COG2: variants seen among roughly 807,000 people sequenced by gnomAD.
COG2 encodes the protein conserved oligomeric Golgi complex subunit 2.
A neutral mutation model predicts 90.6 loss-of-function variants in COG2; 52 were observed. The observed-to-expected ratio is 0.57, with a 90% CI of 0.46 to 0.72. The LOEUF (loss-of-function observed/expected upper bound fraction) is 0.72. COG2 is among the 30% of genes least tolerant of loss of function. COG2 has a pLI of 0.00. For synonymous variants in COG2, 337 were observed against 320.4 expected (o/e 1.05, Z -0.55); for missense variants, 829 against 891.2 (o/e 0.93, Z 0.89).
intron 12 of COG2, 152 bp downstream of exon 12, chr1:230,685,388 G>T (rs905748530): frequency 2.0e-5 from 15 of 732,422 alleles, no homozygotes; most frequent in Non-Finnish European, 3.2e-5. Context: ...CCAGCTCTGT[G>T]TCTGTGTTTC....
chr1:230,686,837 C>G, intron 12 of COG2, 98 bp from the exon 13 acceptor site: 2 of 643,510 alleles, frequency 3.1e-6, no homozygotes, highest in East Asian at 6.0e-5. Context: ...AGACAGCTAG[C>G]ATTTAATGGT....
At chr1:230,664,239 A>C (rs1012876303) in intron 4 of COG2, among the ~76,000 whole-genome samples, 2 of 137,480 alleles carry the variant, frequency 1.5e-5, no homozygotes, top group East Asian at 4.0e-4. Flanking sequence ...ATAAGAAACC[A>C]AAAAAAAAAA....
At chr1:230,658,321 C>G (rs939218960) in intron 1 of COG2, among the ~76,000 whole-genome samples, 4 of 152,162 alleles carry the variant, frequency 2.6e-5, no homozygotes, top group African/African-American at 9.7e-5. Context: ...TGCTGCAGGT[C>G]TGCTGGAATT....
intron 1 of COG2, among the ~76,000 whole-genome samples, chr1:230,646,762 C>G (rs1198340825): frequency 6.6e-6 from 1 of 152,092 alleles, no homozygotes; most frequent in Non-Finnish European, 1.5e-5. Context: ...TCAGGTAATA[C>G]TAGACCTGAG....
intron 3 of COG2, among the ~76,000 whole-genome samples, chr1:230,662,895 G>A (rs1048931451): frequency 6.6e-6 from 1 of 152,118 alleles, no homozygotes; most frequent in Admixed American, 6.6e-5. Context: ...CTGACCACCT[G>A]TGATGCTCAT....
intron 15 of COG2, among the ~76,000 whole-genome samples, chr1:230,688,821 C>T (rs994204960): frequency 1.3e-5 from 2 of 152,078 alleles, no homozygotes; most frequent in Non-Finnish European, 2.9e-5. Flanking sequence ...TCCTTTTGGT[C>T]TTGAGGAAAA....
chr1:230,693,356 C>T lies in COG2; in HGVS notation c.2180C>T (p.Ala727Val), dbSNP rs1334124697. The T allele has an allele frequency of 1.9e-6, 3 of 1,613,426 alleles. No homozygotes were observed. In the African/African-American group the frequency reaches 4.0e-5, roughly 22 times the overall value. The stretch of plus-strand genomic sequence containing the variant: ...TTCTCAGCTCTCGCAGAGCTTGTTG[C>T]TGCTGCCAAGGACCAGGCAACAGCA... Reference protein sequence around the residue: ...KSFSALAELVAAAKDQATAEQ... With the variant: ...KSFSALAELVVAAKDQATAEQ... The change falls in exon 18 of 18, where the codon GCT becomes GTT. Residue 727 changes from alanine to valine, a missense_variant. Ala to Val is a moderately conservative substitution (Grantham distance 64). Coordinates refer to ENST00000366669, the MANE Select transcript of COG2 (RefSeq NM_007357.3).
At chr1:230,679,590 T>G (rs1205431463) in intron 10 of COG2, 2 of 152,254 alleles carry the variant, frequency 1.3e-5, no homozygotes, top group Non-Finnish European at 2.9e-5. Context: ...ATTTGTACCC[T>G]CTATTCAGGA....
intron 10 of COG2, chr1:230,682,087 C>G (rs1662762668): frequency 6.6e-6 from 1 of 152,242 alleles, no homozygotes; most frequent in Non-Finnish European, 1.5e-5. Context: ...CACATTAATA[C>G]TGCATACTAG....
intron 1 of COG2, among the ~76,000 whole-genome samples, chr1:230,645,686 G>A (rs1404181610): frequency 6.6e-6 from 1 of 152,186 alleles, no homozygotes; most frequent in Non-Finnish European, 1.5e-5. Flanking sequence ...TAATGAAATA[G>A]TTATAAAATT....
chr1:230,668,531 C>T (rs1662371093), intron 5 of COG2, 145 bp from the exon 6 acceptor site: 3 of 559,528 alleles, frequency 5.4e-6, no homozygotes, highest in Non-Finnish European at 6.4e-6. Flanking sequence ...TAGCTTTCAC[C>T]TTGTAACAAG....
In COG2 at chr1:230,668,679, C is replaced by T. The variant is rs2102757233; in HGVS notation, c.489C>T (p.Pro163=). 3.7e-6 allele frequency: 6 copies of T among 1,605,518 alleles called. No homozygotes were observed. Among genetic ancestry groups the T allele is most frequent in the Non-Finnish European group, 4.3e-6 (5 of 1,173,486 alleles). The change falls in exon 6 of 18, where the codon CCC becomes CCT. Residue 163 remains proline, a synonymous_variant. Transcript: ENST00000366669. ...CTATAACTGTTTTCTCTACTAGCCC[C>T]CTTTTGACTGGACAAATTTTGGAGA... is the stretch of plus-strand genomic sequence containing the variant. ...KETSALEASS[P]LLTGQILERI... is the part of the protein sequence containing the mutation.
chr1:230,687,315 G>A (rs1416601463), intron 13 of COG2, among the ~76,000 whole-genome samples, 183 bp downstream of exon 13: 1 of 152,162 alleles, frequency 6.6e-6, no homozygotes, highest in African/African-American at 2.4e-5. Flanking sequence ...CCCCTGACAG[G>A]TCATGTCCAT....
chr1:230,662,570 C>G (rs916833410), intron 3 of COG2, among the ~76,000 whole-genome samples: 3 of 152,094 alleles, frequency 2.0e-5, no homozygotes, highest in Non-Finnish European at 4.4e-5. Flanking sequence ...TGAATTTTCC[C>G]AAAACAACTT....
chr1:230,651,228 G>C (rs1661907239), intron 1 of COG2, among the ~76,000 whole-genome samples: 1 of 152,098 alleles, frequency 6.6e-6, no homozygotes, highest in Non-Finnish European at 1.5e-5. Flanking sequence ...CCCTGCTGCA[G>C]TAGCCGATGA....
At chr1:230,688,331 A>G in intron 14 of COG2, 89 bp from the exon 15 acceptor site, 1 of 1,479,542 alleles carries the variant, frequency 6.8e-7, no homozygotes. Context: ...TTATTATAGT[A>G]CACAATGTAA....
At chr1:230,660,281 C>T (rs573061530) in intron 2 of COG2, among the ~76,000 whole-genome samples, 4 of 152,304 alleles carry the variant, frequency 2.6e-5, no homozygotes, top group South Asian at 2.1e-4. Flanking sequence ...GGGAAATGTA[C>T]ATCTAAGATA....
rs776516795 is a variant in COG2, at chr1:230,669,415, C to T, written c.654C>T (p.Gly218=). ...CACTGGAAGGTCTCCTATTAGAAGG[C>T]CTTCAGACGTCTGACGTCGATATAA... The part of the protein sequence containing the change: ...QQSLEGLLLE[G]LQTSDVDIIR... The change falls in exon 7 of 18, where the codon GGC becomes GGT. Residue 218 remains glycine (G), a synonymous_variant. Coordinates refer to ENST00000366669, the MANE Select transcript of COG2 (RefSeq NM_007357.3). 3 of 1,613,916 alleles carry T rather than the reference C, an allele frequency of 1.9e-6. No individual in the cohort carries two copies. The South Asian group carries it at 3.3e-5, about 18-fold the overall frequency.
At chr1:230,661,839 T>TAAA in intron 3 of COG2, among the ~76,000 whole-genome samples, 1 of 152,332 alleles carries the variant, frequency 6.6e-6, no homozygotes, top group East Asian at 1.9e-4. Context: ...AAAAAAGCTT[T>TAAA]TAAAGTACTT....
Sources: gnomAD v4.1 joint callset for allele counts (sites outside exome capture counted in the v4.1 genomes callset) on GRCh38, gnomAD v4.1.1 for gene constraint, MANE v1.5 for transcripts, NCBI Gene and HGNC (gene_info 2026-07-23, HGNC 2026-07-21) for gene names.